NRXN3: variants seen among roughly 807,000 people sequenced by gnomAD.
NRXN3 encodes the protein neurexin III.
In NRXN3, 32 loss-of-function variants were observed where a neutral mutation model predicts 137.6. The observed-to-expected ratio is 0.23, with a 90% CI of 0.18 to 0.31. NRXN3 has a LOEUF of 0.31. Ranked by LOEUF, NRXN3 falls within the 10% of genes least tolerant of loss-of-function variation. The probability of loss-of-function intolerance (pLI) is 1.00; values close to 1 mark genes in which losing one functional copy is unlikely to be tolerated. For synonymous variants in NRXN3, 798 were observed against 784.5 expected (o/e 1.02, Z -0.29); for missense variants, 1,574 against 2,062.5 (o/e 0.76, Z 4.59).
At chr14:79,053,885 G>A (rs73320809) in intron 15 of NRXN3, among the ~76,000 whole-genome samples, 11,080 of 151,936 alleles carry the variant, frequency 0.073, 1,226 homozygotes, top group African/African-American at 0.24. Flanking sequence ...CATTGGGAAT[G>A]GAAAGTCATG....
intron 15 of NRXN3, among the ~76,000 whole-genome samples, chr14:79,259,915 C>G (rs1412154490): frequency 6.6e-6 from 1 of 152,004 alleles, no homozygotes; most frequent in African/African-American, 2.4e-5. Context: ...AATCTAATTT[C>G]TCCTATTCTG....
intron 10 of NRXN3, among the ~76,000 whole-genome samples, chr14:78,850,692 A>G (rs1415654809): frequency 6.6e-6 from 1 of 152,148 alleles, no homozygotes; most frequent in Non-Finnish European, 1.5e-5. Context: ...TTGCAAGTGG[A>G]GCAAAAATGT....
chr14:78,875,541 A>C (rs945703638), intron 10 of NRXN3, among the ~76,000 whole-genome samples: 1 of 152,194 alleles, frequency 6.6e-6, no homozygotes, highest in South Asian at 2.1e-4. Context: ...TATAGAATAT[A>C]TGGTACCCTG....
At chr14:79,635,330 G>A (rs972167384) in intron 16 of NRXN3, among the ~76,000 whole-genome samples, 1 of 152,098 alleles carries the variant, frequency 6.6e-6, no homozygotes, top group African/African-American at 2.4e-5. Context: ...TTTGATGGTG[G>A]GAACATCAGG....
intron 15 of NRXN3, among the ~76,000 whole-genome samples, chr14:79,202,147 G>A (rs1254183428): frequency 6.6e-6 from 1 of 151,432 alleles, no homozygotes; most frequent in Non-Finnish European, 1.5e-5. Context: ...AGATAAACAA[G>A]AGTCACAGAA....
intron 10 of NRXN3, among the ~76,000 whole-genome samples, chr14:78,956,776 A>G (rs1050781662): frequency 6.6e-6 from 1 of 152,230 alleles, no homozygotes; most frequent in Admixed American, 6.5e-5. Flanking sequence ...TATGTGTTGC[A>G]AAGTTCTTTT....
rs528567473 is a variant in NRXN3 at position 79,263,829 on chromosome 14, G to T, written c.3263-203392G>T. 1.1e-4 allele frequency among the ~76,000 whole-genome samples: 17 copies of T among 152,188 alleles called. No individual in the cohort carries two copies. The East Asian group carries it at 2.9e-3, about 26-fold the overall frequency. ...TATTATGTACTACACAACTCCGGGG[G>T]CACAATTCACAGACTGTGGTGTAAA... On this transcript the variant is annotated intron_variant, in intron 15 of 20. Coordinates refer to ENST00000335750, the MANE Select transcript of NRXN3 (RefSeq NM_001330195.2).
Position 78,205,597 on chromosome 14 carries a change from G to A in NRXN3, c.-704+34923G>A, listed in dbSNP as rs1216544964. 2.6e-5 allele frequency among the ~76,000 whole-genome samples: 4 copies of A among 152,258 alleles called. No homozygotes were observed. In the East Asian group the frequency reaches 7.7e-4, roughly 29 times the overall value. ...CAAGAGGGTAAAGAGGAGTATTCCA[G>A]GTAGAGGGAACAGTCTGTGCAGAGG... is the stretch of plus-strand genomic sequence containing the variant. On this transcript the variant is annotated intron_variant, in intron 1 of 20. Transcript: ENST00000335750.
At chr14:78,395,464 G>A (rs1336242413) in intron 4 of NRXN3, among the ~76,000 whole-genome samples, 1 of 151,706 alleles carries the variant, frequency 6.6e-6, no homozygotes, top group Non-Finnish European at 1.5e-5. Flanking sequence ...GGACTATCTT[G>A]GAAAAAAATG....
At chr14:78,517,890 T>C (rs1310171817) in intron 4 of NRXN3, among the ~76,000 whole-genome samples, 1 of 152,192 alleles carries the variant, frequency 6.6e-6, no homozygotes. Flanking sequence ...GTTCAAAATC[T>C]GTAAAGTTGT....
chr14:78,901,161 T>C (rs533671142), intron 10 of NRXN3, among the ~76,000 whole-genome samples: 1 of 152,184 alleles, frequency 6.6e-6, no homozygotes, highest in Admixed American at 6.6e-5. Context: ...TCATTCCCCA[T>C]CTCAGGCTCA....
At chr14:79,607,673 ATTT>A (rs10714829) in intron 16 of NRXN3, among the ~76,000 whole-genome samples, 1 of 141,642 alleles carries the variant, frequency 7.1e-6, no homozygotes, top group Non-Finnish European at 1.5e-5. Flanking sequence ...TTAATCTACA[ATTT>A]TTTTTTTTTT....
chr14:78,313,516 T>C (rs1412570089), intron 4 of NRXN3, among the ~76,000 whole-genome samples: 1 of 152,134 alleles, frequency 6.6e-6, no homozygotes, highest in Non-Finnish European at 1.5e-5. Flanking sequence ...CTCGTATCAG[T>C]TTAAATACAT....
chr14:79,024,824 C>T lies in NRXN3; in HGVS notation c.3262+36683C>T, dbSNP rs1046502456. ...CTCCTACACACAAGGTACCTCTTCT[C>T]CTTTTTTCACTTGCTAATAATAATA... On this transcript the variant is annotated intron_variant, in intron 15 of 20. Transcript: ENST00000335750. Among the ~76,000 whole-genome samples the T allele has an allele frequency of 2.0e-5, 3 of 152,084 alleles. No homozygotes were observed. In the East Asian group the frequency reaches 5.8e-4, roughly 29 times the overall value.
intron 15 of NRXN3, among the ~76,000 whole-genome samples, chr14:79,206,204 A>T (rs2066759678): frequency 6.6e-6 from 1 of 152,244 alleles, no homozygotes; most frequent in Non-Finnish European, 1.5e-5. Context: ...AATAATGATG[A>T]TGAATGATAG....
chr14:79,489,266 T>C (rs2096688139), intron 16 of NRXN3, among the ~76,000 whole-genome samples: 1 of 152,164 alleles, frequency 6.6e-6, no homozygotes. Flanking sequence ...TCAGCCTCAG[T>C]GCTTTCATGG....
intron 16 of NRXN3, among the ~76,000 whole-genome samples, chr14:79,522,387 G>A (rs561019841): frequency 6.6e-6 from 1 of 152,130 alleles, no homozygotes; most frequent in African/African-American, 2.4e-5. Flanking sequence ...AGGAGCCTTT[G>A]AGTCCTCATC....
chr14:79,697,959 A>C (rs754113372), intron 19 of NRXN3, 22 bp downstream of exon 19: 5 of 1,593,416 alleles, frequency 3.1e-6, no homozygotes, highest in Non-Finnish European at 4.3e-6. Flanking sequence ...TCCAAGTATT[A>C]ATTGCGTCTG....
intron 15 of NRXN3, among the ~76,000 whole-genome samples, chr14:78,994,923 T>C (rs568721455): frequency 1.3e-5 from 2 of 152,218 alleles, no homozygotes; most frequent in Non-Finnish European, 2.9e-5. Context: ...GAAAATATTA[T>C]AGTACGATAC....
Sources: gnomAD v4.1 joint callset for allele counts (sites outside exome capture counted in the v4.1 genomes callset) on GRCh38, gnomAD v4.1.1 for gene constraint, MANE v1.5 for transcripts, NCBI Gene and HGNC (gene_info 2026-07-23, HGNC 2026-07-21) for gene names.